GATAD2A: variants seen among roughly 807,000 people sequenced by gnomAD.
GATAD2A encodes the protein GATA zinc finger domain containing 2A, also known as transcriptional repressor p66-alpha.
GATAD2A carries 12 observed loss-of-function variants against 68.5 expected under a neutral mutation model. The ratio of observed to expected loss-of-function variants is 0.18; its 90% confidence interval spans 0.11 to 0.28. GATAD2A has a LOEUF of 0.28. GATAD2A is among the 10% of genes least tolerant of loss of function. The probability of loss-of-function intolerance (pLI) is 1.00; values close to 1 mark genes in which losing one functional copy is unlikely to be tolerated. For synonymous variants in GATAD2A, 410 were observed against 375.3 expected (o/e 1.09, Z -1.07); for missense variants, 755 against 868.5 (o/e 0.87, Z 1.64).
chr19:19,439,611 G>T (rs1272605622), intron 1 of GATAD2A, among the ~76,000 whole-genome samples: 1 of 152,172 alleles, frequency 6.6e-6, no homozygotes, highest in East Asian at 1.9e-4. Flanking sequence ...ACTTTGGGAG[G>T]CTGAAGCGGG....
intron 1 of GATAD2A, among the ~76,000 whole-genome samples, chr19:19,412,276 C>T (rs1386902983): frequency 6.6e-6 from 1 of 151,850 alleles, no homozygotes; most frequent in Non-Finnish European, 1.5e-5. Flanking sequence ...CTGCCTCAGC[C>T]TCCCAAGTAG....
intron 7 of GATAD2A, among the ~76,000 whole-genome samples, chr19:19,498,184 G>A (rs1022350363): frequency 1.3e-5 from 2 of 152,258 alleles, no homozygotes; most frequent in African/African-American, 4.8e-5. Context: ...GATTTTAAGT[G>A]TGTGCGGTTT....
At chr19:19,497,643 C>T (rs1323140151) in intron 7 of GATAD2A, among the ~76,000 whole-genome samples, 3 of 152,258 alleles carry the variant, frequency 2.0e-5, no homozygotes, top group South Asian at 4.2e-4. Context: ...GGGAAGGCAT[C>T]CTGCACACCC....
At chr19:19,457,757 A>T (rs1197940148) in intron 1 of GATAD2A, among the ~76,000 whole-genome samples, 1 of 151,176 alleles carries the variant, frequency 6.6e-6, no homozygotes, top group Non-Finnish European at 1.5e-5. Context: ...AAAAAAAAAG[A>T]TTAACAAAAG....
chr19:19,393,852 A>G (rs985825183), intron 1 of GATAD2A, among the ~76,000 whole-genome samples: 1 of 151,244 alleles, frequency 6.6e-6, no homozygotes, highest in Non-Finnish European at 1.5e-5. Flanking sequence ...AGAAACTAGA[A>G]TGGTCACGGC....
chr19:19,480,053 C>T (rs144533130), intron 2 of GATAD2A, among the ~76,000 whole-genome samples: 2 of 151,910 alleles, frequency 1.3e-5, no homozygotes, highest in African/African-American at 2.4e-5. Flanking sequence ...GTGATCCACC[C>T]GCCTCGGCTC....
intron 1 of GATAD2A, among the ~76,000 whole-genome samples, chr19:19,441,965 G>A (rs1874245588): frequency 6.6e-6 from 1 of 152,016 alleles, no homozygotes; most frequent in South Asian, 2.1e-4. Flanking sequence ...GGGTTCAAGT[G>A]ATTCTTCTGC....
rs3838912 is a variant in GATAD2A at position 19,504,862 on chromosome 19, C to CT, written c.1775-481dup. Among the ~76,000 whole-genome samples, 4 of 152,136 alleles carry CT rather than the reference C, an allele frequency of 2.6e-5. No homozygotes were observed. In the East Asian group the frequency reaches 7.7e-4, roughly 29 times the overall value. ...CTCACTATGTTGCCCAGGCTGGTCT[C>CT]TATCTCCTGGCCTCAAGCAGTCTTC... is the stretch of plus-strand genomic sequence containing the variant. On this transcript the variant is annotated intron_variant, in intron 11 of 11. Coordinates refer to ENST00000683918, the MANE Select transcript of GATAD2A (RefSeq NM_001384528.1).
chr19:19,447,134 G>A (rs907552961), intron 1 of GATAD2A, among the ~76,000 whole-genome samples: 13 of 152,212 alleles, frequency 8.5e-5, no homozygotes, highest in Admixed American at 7.2e-4. Flanking sequence ...ATGTCAAGTG[G>A]TGATGAGGCA....
intron 1 of GATAD2A, among the ~76,000 whole-genome samples, chr19:19,387,892 G>A (rs1196469405): frequency 2.6e-5 from 4 of 151,884 alleles, no homozygotes; most frequent in Admixed American, 1.3e-4. Context: ...AAGATATCCC[G>A]TCTCCCGATG....
intron 1 of GATAD2A, among the ~76,000 whole-genome samples, chr19:19,438,042 A>G (rs2054569720): frequency 6.6e-6 from 1 of 152,132 alleles, no homozygotes; most frequent in Admixed American, 6.5e-5. Flanking sequence ...ATTCCCTGAC[A>G]CTTACACAGG....
chr19:19,454,878 G>C (rs1265308521), intron 1 of GATAD2A, among the ~76,000 whole-genome samples: 1 of 152,194 alleles, frequency 6.6e-6, no homozygotes, highest in Non-Finnish European at 1.5e-5. Flanking sequence ...TGTTGCGATG[G>C]TTGCGTGTGG....
At chr19:19,461,049 T>C (rs991698436) in intron 1 of GATAD2A, among the ~76,000 whole-genome samples, 1 of 152,148 alleles carries the variant, frequency 6.6e-6, no homozygotes, top group African/African-American at 2.4e-5. Context: ...GGGTGGATGG[T>C]GTTCCCTCTG....
At chr19:19,412,586 C>G (rs1008645922) in intron 1 of GATAD2A, among the ~76,000 whole-genome samples, 2 of 151,960 alleles carry the variant, frequency 1.3e-5, no homozygotes, top group African/African-American at 4.8e-5. Flanking sequence ...GAGAGGAGAT[C>G]ATGCCATTGC....
chr19:19,399,314 A>C (rs914124508), intron 1 of GATAD2A, among the ~76,000 whole-genome samples: 3 of 151,750 alleles, frequency 2.0e-5, no homozygotes, highest in Non-Finnish European at 2.9e-5. Flanking sequence ...GTAGTGACAC[A>C]GCTCACTACA....
intron 1 of GATAD2A, among the ~76,000 whole-genome samples, chr19:19,442,681 T>G (rs2055232347): frequency 6.6e-6 from 1 of 150,398 alleles, no homozygotes; most frequent in African/African-American, 2.5e-5. Flanking sequence ...GCACCTGCCA[T>G]CCTAGCTGTT....
At chr19:19,471,936 G>T (rs2058342332) in intron 2 of GATAD2A, among the ~76,000 whole-genome samples, 1 of 151,930 alleles carries the variant, frequency 6.6e-6, no homozygotes, top group Non-Finnish European at 1.5e-5. Context: ...TGCACTGTCG[G>T]CCAGGCAAGA....
At chr19:19,408,028 G>A (rs571795134) in intron 1 of GATAD2A, among the ~76,000 whole-genome samples, 5 of 152,308 alleles carry the variant, frequency 3.3e-5, no homozygotes, top group Non-Finnish European at 7.3e-5. Context: ...TTTTTGAGAC[G>A]GAGTCTCGCT....
chr19:19,435,092 A>T (rs1210266423), intron 1 of GATAD2A: 1 of 533,248 alleles, frequency 1.9e-6, no homozygotes, highest in East Asian at 5.5e-5. Flanking sequence ...TGAAGATCAG[A>T]CACATCAGAT....
Sources: allele counts gnomAD v4.1 joint callset (sites outside exome capture counted in the v4.1 genomes callset), GRCh38; gene constraint gnomAD v4.1.1; transcripts MANE v1.5; gene names NCBI Gene and HGNC (gene_info 2026-07-23, HGNC 2026-07-21).